RUBCN: variants seen among roughly 807,000 people sequenced by gnomAD.
RUBCN encodes rubicon autophagy regulator, also known as run domain Beclin-1-interacting and cysteine-rich domain-containing protein.
A neutral mutation model predicts 113.2 loss-of-function variants in RUBCN; 74 were observed. That is an observed-to-expected ratio of 0.65 (90% CI 0.54 to 0.79). The LOEUF (loss-of-function observed/expected upper bound fraction) is 0.79, where lower values mean the gene tolerates loss of function less well. Among genes scored for constraint, RUBCN ranks in the 30% least tolerant of loss-of-function variants. The probability of loss-of-function intolerance (pLI) is 0.00; values close to 1 mark genes in which losing one functional copy is unlikely to be tolerated. For missense variants in RUBCN, 1,109 were observed against 1,251.7 expected (o/e 0.89, Z 1.72); for synonymous variants, 480 against 490.0 (o/e 0.98, Z 0.27).
At position 197,701,890 on chromosome 3, in the gene RUBCN, A is replaced by T. The variant is rs979001340; in HGVS notation, c.571-26T>A. On this transcript the variant is annotated intron_variant, in intron 5 of 19. Coordinates refer to ENST00000296343, the MANE Select transcript of RUBCN (RefSeq NM_014687.4). Reference sequence around the variant, plus strand: ...CTAAAAAGCAAAACAAAACCAAAAAATGTGTCAGAGTTAAGGACAAAGGGC... The same window carrying T: ...CTAAAAAGCAAAACAAAACCAAAAATTGTGTCAGAGTTAAGGACAAAGGGC... 3.1e-6 allele frequency: 5 copies of T among 1,612,280 alleles called. No individual in the cohort carries two copies. In the African/African-American group the frequency reaches 6.7e-5, roughly 22 times the overall value.
chr3:197,738,129 A>T (rs529333089), upstream of RUBCN, among the ~76,000 whole-genome samples: 3 of 152,376 alleles, frequency 2.0e-5, no homozygotes, highest in East Asian at 5.8e-4. Context: ...AACGTTGGCA[A>T]CAAATTTTTT....
At chr3:197,746,456 C>T (rs1298027632) in intron 1 of RUBCN, among the ~76,000 whole-genome samples, 1 of 152,200 alleles carries the variant, frequency 6.6e-6, no homozygotes, top group East Asian at 1.9e-4. Flanking sequence ...CTGCTTGACT[C>T]ATGCCATATA....
intron 2 of RUBCN, among the ~76,000 whole-genome samples, chr3:197,716,813 A>C (rs1725568901): frequency 6.6e-6 from 1 of 152,032 alleles, no homozygotes; most frequent in Non-Finnish European, 1.5e-5. Flanking sequence ...GTCCATAAGG[A>C]GAGAAAGGGA....
chr3:197,730,051 T>C (rs549954853), intron 1 of RUBCN, among the ~76,000 whole-genome samples: 3 of 152,340 alleles, frequency 2.0e-5, no homozygotes, highest in Non-Finnish European at 2.9e-5. Context: ...TATCTGGAAT[T>C]GGGACTAAAT....
Position 197,701,822 on chromosome 3 carries a change from G to A in RUBCN, c.613C>T (p.Gln205Ter). ...GAACTGGGCAGGGCTGTCAGGCTCT[G>A]GCTCTTTGTCACCAGGAGCGGGCTC... is the stretch of plus-strand genomic sequence containing the variant. ...HESPLLVTKS[Q>*]SLTALPSSTY... The change falls in exon 6 of 20, where the codon CAG becomes TAG. Residue 205 changes from glutamine to a stop codon, truncating the protein, a stop_gained. Transcript: ENST00000296343. LOFTEE classifies it high-confidence loss of function. The A allele has an allele frequency of 6.2e-7, 1 of 1,614,190 alleles. No homozygotes were observed. Among genetic ancestry groups the A allele is most frequent in the Non-Finnish European group, 8.5e-7 (1 of 1,180,032 alleles).
intron 1 of RUBCN, among the ~76,000 whole-genome samples, chr3:197,727,933 A>G (rs1415843194): frequency 6.6e-6 from 1 of 152,282 alleles, no homozygotes; most frequent in Non-Finnish European, 1.5e-5. Context: ...AAAGTGTTTC[A>G]GTCTTTTCAG....
chr3:197,723,385 T>C (rs1207443957), intron 1 of RUBCN, among the ~76,000 whole-genome samples: 3 of 152,006 alleles, frequency 2.0e-5, no homozygotes, highest in African/African-American at 4.8e-5. Context: ...GGGGTTTCAC[T>C]ATGTTGGCCA....
chr3:197,734,899 A>T (rs1329932808), intron 1 of RUBCN, among the ~76,000 whole-genome samples: 1 of 152,200 alleles, frequency 6.6e-6, no homozygotes, highest in African/African-American at 2.4e-5. Context: ...GGAGCCCCAA[A>T]GTCCTGTCAG....
chr3:197,684,106 T>C (rs1560411469), intron 12 of RUBCN, 51 bp downstream of exon 12: 2 of 1,417,016 alleles, frequency 1.4e-6, no homozygotes, highest in East Asian at 2.3e-5. Context: ...TTTGTTTCTC[T>C]ACATATCCTA....
chr3:197,714,590 G>A (rs6799593), intron 2 of RUBCN, among the ~76,000 whole-genome samples: 17,589 of 152,120 alleles, frequency 0.12, 1,235 homozygotes, highest in African/African-American at 0.19. Context: ...TCAACTTCCC[G>A]AAGTGCTAGA....
Position 197,682,476 on chromosome 3 carries a change from G to A in RUBCN, c.2120C>T (p.Ala707Val). The change falls in exon 14 of 20, where the codon GCC becomes GTC. Residue 707 changes from alanine (A) to valine (V), a missense_variant. Ala to Val is a moderately conservative substitution (Grantham distance 64). Transcript: ENST00000296343. ...ACAGACACTGGCCACTCACGTTGGG[G>A]CTGGATGAACATTAAAAATTATCTG... ...RPQIIFNVHPAPTRKIAVAKQ... is the reference protein window; with the variant it reads ...RPQIIFNVHPVPTRKIAVAKQ... 2 of 1,614,192 alleles carry A rather than the reference G, an allele frequency of 1.2e-6. No homozygotes were observed. The highest frequency in any genetic ancestry group is 1.6e-4 in the Middle Eastern group (1 of 6,062).
At chr3:197,704,915 GTT>G (rs1017421205) in intron 3 of RUBCN, among the ~76,000 whole-genome samples, 175 bp downstream of exon 3, 1 of 146,192 alleles carries the variant, frequency 6.8e-6, no homozygotes. Context: ...GGGTTTGCAT[GTT>G]TTTTTTTTTT....
rs1431048299 is a variant in RUBCN, at chr3:197,709,258, A to C, written c.220-4083T>G. Among the ~76,000 whole-genome samples the C allele has an allele frequency of 3.3e-5, 5 of 152,212 alleles. No homozygotes were observed. In the East Asian group the frequency reaches 9.6e-4, roughly 29 times the overall value. On this transcript the variant is annotated intron_variant, in intron 2 of 19. Transcript: ENST00000296343. ...CTTATCGAAAAATGGTGTGGAGTTC[A>C]CAGAGTAAATAAAAGAACAAATGTT...
intron 2 of RUBCN, among the ~76,000 whole-genome samples, chr3:197,706,718 C>T (rs1158794004): frequency 2.0e-5 from 3 of 151,996 alleles, no homozygotes; most frequent in Non-Finnish European, 4.4e-5. Context: ...AAAGACCAAT[C>T]AATGGTACAA....
intron 1 of RUBCN, 96 bp downstream of exon 1, chr3:197,736,559 C>T: frequency 7.9e-7 from 1 of 1,271,204 alleles, no homozygotes; most frequent in Non-Finnish European, 1.1e-6. Context: ...AGACTCGTCG[C>T]GCCCGGCCCT....
At position 197,674,557 on chromosome 3, in the gene RUBCN, A is replaced by G. The variant is rs781552135; in HGVS notation, c.*461T>C. On this transcript the variant is annotated 3_prime_UTR_variant, in exon 20 of 20. Transcript: ENST00000296343. ...GCACAGTCTGACCCCAGTCCAGGAC[A>G]GGGAGAGGGAAAACGCCATCCCCGT... 1 of 516,532 alleles carries G rather than the reference A, an allele frequency of 1.9e-6. No homozygotes were observed. The highest frequency in any genetic ancestry group is 2.0e-5 in the Admixed American group (1 of 49,252). The allele number at this position is 516,532 out of a possible 1,614,324, so 32.0% of individuals were successfully genotyped here.
chr3:197,748,862 A>G (rs1317282862), intron 1 of RUBCN, among the ~76,000 whole-genome samples: 1 of 152,246 alleles, frequency 6.6e-6, no homozygotes, highest in Non-Finnish European at 1.5e-5. Context: ...TTGTGACATG[A>G]CTAAATTAAG....
chr3:197,734,786 G>T (rs536617445), intron 1 of RUBCN, among the ~76,000 whole-genome samples: 1 of 152,260 alleles, frequency 6.6e-6, no homozygotes, highest in Non-Finnish European at 1.5e-5. Flanking sequence ...GACATCTGCA[G>T]GAAGAATAAA....
At chr3:197,705,031 G>C in intron 3 of RUBCN, 61 bp downstream of exon 3, 1 of 1,299,298 alleles carries the variant, frequency 7.7e-7, no homozygotes, top group South Asian at 1.2e-5. Context: ...TCTTCTGACA[G>C]AGCCTCAAAC....
Sources: allele counts gnomAD v4.1 joint callset (sites outside exome capture counted in the v4.1 genomes callset), GRCh38; gene constraint gnomAD v4.1.1; transcripts MANE v1.5; gene names NCBI Gene and HGNC (gene_info 2026-07-23, HGNC 2026-07-21).